The following NCK2 variants were observed in gnomAD, a reference collection of about 807,000 sequenced individuals.
NCK2 encodes the protein cytoplasmic protein NCK2.
A neutral mutation model predicts 33.9 loss-of-function variants in NCK2; 16 were observed. The observed-to-expected ratio is 0.47, with a 90% CI of 0.32 to 0.72. The LOEUF is 0.72. NCK2 is among the 30% of genes least tolerant of loss of function. NCK2 has a pLI of 0.03. For synonymous variants in NCK2, 273 were observed against 239.9 expected (o/e 1.14, Z -1.27); for missense variants, 418 against 537.3 (o/e 0.78, Z 2.19).
rs377500723 is a variant in NCK2 at position 105,878,119 on chromosome 2, G to GTTAAA, written c.227-3207_227-3206insAAATT. On this transcript the variant is annotated intron_variant, in intron 3 of 4. Transcript: ENST00000233154. Reference sequence around the variant, plus strand: ...AACACTGGTAGGATCATGGCCAAGTGTTTTTAAAGAGGACTTTGGCCCTCT... The same window carrying GTTAAA: ...AACACTGGTAGGATCATGGCCAAGTGTTAAATTTTTAAAGAGGACTTTGGCCCTCT... Among the ~76,000 whole-genome samples, 156 of 152,312 alleles carry GTTAAA rather than the reference G, an allele frequency of 1.0e-3. 2 individuals are homozygous for GTTAAA. Among genetic ancestry groups the GTTAAA allele is most frequent in the African/African-American group, 3.7e-3 (152 of 41,576 alleles).
At chr2:105,770,876 A>T (rs1409825563) in intron 1 of NCK2, among the ~76,000 whole-genome samples, 1 of 152,048 alleles carries the variant, frequency 6.6e-6, no homozygotes, top group African/African-American at 2.4e-5. Context: ...GTGTTTGGCA[A>T]TTCTGATGTT....
intron 1 of NCK2, among the ~76,000 whole-genome samples, chr2:105,779,761 C>T (rs1328112165): frequency 6.6e-6 from 1 of 152,188 alleles, no homozygotes; most frequent in East Asian, 1.9e-4. Context: ...AAAACGCACA[C>T]TCACATACAT....
intron 2 of NCK2, among the ~76,000 whole-genome samples, chr2:105,846,280 C>G (rs1336799016): frequency 6.6e-6 from 1 of 152,096 alleles, no homozygotes; most frequent in East Asian, 1.9e-4. Flanking sequence ...TTCCCAGACA[C>G]TAATGAGCTA....
chr2:105,780,332 AC>A (rs1690449005), intron 1 of NCK2, among the ~76,000 whole-genome samples: 1 of 86,078 alleles, frequency 1.2e-5, no homozygotes, highest in Non-Finnish European at 2.0e-5. Flanking sequence ...ATATACACAC[AC>A]ACACACACAC....
At chr2:105,880,291 T>C (rs1678417744) in intron 3 of NCK2, among the ~76,000 whole-genome samples, 1 of 152,246 alleles carries the variant, frequency 6.6e-6, no homozygotes, top group Admixed American at 6.5e-5. Flanking sequence ...AGTGATTTTT[T>C]ATGATCCACT....
At chr2:105,879,420 A>G (rs3769496) in intron 3 of NCK2, among the ~76,000 whole-genome samples, 9,164 of 152,278 alleles carry the variant, frequency 0.06, 492 homozygotes, top group East Asian at 0.17. Flanking sequence ...TTCATTGTGT[A>G]GTTGAACCAT....
intron 2 of NCK2, among the ~76,000 whole-genome samples, chr2:105,831,941 T>C (rs770264231): frequency 6.6e-6 from 1 of 152,216 alleles, no homozygotes. Context: ...GTCACTGATA[T>C]ATTGATAGGG....
At chr2:105,809,995 T>A (rs1228488127) in intron 1 of NCK2, among the ~76,000 whole-genome samples, 2 of 152,036 alleles carry the variant, frequency 1.3e-5, no homozygotes, top group African/African-American at 2.4e-5. Flanking sequence ...AGAATGGGCC[T>A]GAAAGGAGAG....
intron 4 of NCK2, among the ~76,000 whole-genome samples, chr2:105,886,556 T>C (rs947481332): frequency 6.6e-6 from 1 of 152,262 alleles, no homozygotes. Flanking sequence ...TCCTGAATAA[T>C]TCTGATGCGC....
chr2:105,857,108 A>G (rs949981046), intron 3 of NCK2: 4 of 151,926 alleles, frequency 2.6e-5, no homozygotes, highest in African/African-American at 9.7e-5. Context: ...AAGTAGAACA[A>G]GGCAAGGCGA....
chr2:105,835,407 G>GTGTATATATA (rs1676380985), intron 2 of NCK2, among the ~76,000 whole-genome samples: 1 of 19,690 alleles, frequency 5.1e-5, no homozygotes, highest in African/African-American at 1.1e-4. Flanking sequence ...ATATATATAC[G>GTGTATATATA]TGTATATATA....
chr2:105,828,512 T>C (rs796200620), intron 2 of NCK2, among the ~76,000 whole-genome samples: 3 of 152,298 alleles, frequency 2.0e-5, no homozygotes, highest in African/African-American at 7.2e-5. Context: ...AAGCATGTGA[T>C]AGGTAATGAC....
chr2:105,816,996 T>C (rs1163055915), intron 2 of NCK2, among the ~76,000 whole-genome samples: 3 of 152,084 alleles, frequency 2.0e-5, no homozygotes, highest in African/African-American at 7.2e-5. Flanking sequence ...ATTCCAGCTT[T>C]GATGCTGAGA....
chr2:105,794,404 C>T (rs937324434), intron 1 of NCK2, among the ~76,000 whole-genome samples: 3 of 151,912 alleles, frequency 2.0e-5, no homozygotes, highest in East Asian at 1.9e-4. Flanking sequence ...TCCCTAGGAT[C>T]GTTTACGTAA....
At chr2:105,888,235 C>G (rs1012832789) in intron 4 of NCK2, among the ~76,000 whole-genome samples, 1 of 152,168 alleles carries the variant, frequency 6.6e-6, no homozygotes, top group Non-Finnish European at 1.5e-5. Flanking sequence ...ATTGTTCATT[C>G]TCCAGAACCA....
At chr2:105,788,368 C>T (rs1307091932) in intron 1 of NCK2, among the ~76,000 whole-genome samples, 2 of 152,102 alleles carry the variant, frequency 1.3e-5, no homozygotes, top group Admixed American at 6.6e-5. Context: ...TCTATCAACG[C>T]CATTTAGATG....
chr2:105,813,027 T>G (rs1335506791), intron 1 of NCK2, among the ~76,000 whole-genome samples: 1 of 152,170 alleles, frequency 6.6e-6, no homozygotes, highest in Non-Finnish European at 1.5e-5. Flanking sequence ...ACTGTCAAGG[T>G]TCTAGCCCTT....
At chr2:105,747,747 T>C (rs1197438040) in intron 1 of NCK2, among the ~76,000 whole-genome samples, 1 of 152,224 alleles carries the variant, frequency 6.6e-6, no homozygotes, top group African/African-American at 2.4e-5. Flanking sequence ...TTCTGTTTCC[T>C]AAAATGAGTG....
At chr2:105,861,565 A>G (rs1677534124) in intron 3 of NCK2, among the ~76,000 whole-genome samples, 2 of 138,452 alleles carry the variant, frequency 1.4e-5, no homozygotes, top group Non-Finnish European at 3.0e-5. Context: ...CCTAGGCTGG[A>G]GTGCAGTGGC....
Sources: gnomAD v4.1 joint callset for allele counts (sites outside exome capture counted in the v4.1 genomes callset) on GRCh38, gnomAD v4.1.1 for gene constraint, MANE v1.5 for transcripts, NCBI Gene and HGNC (gene_info 2026-07-23, HGNC 2026-07-21) for gene names.